Variants in DHRS4L2 observed in about 807,000 individuals in gnomAD.
DHRS4L2 encodes the protein dehydrogenase/reductase SDR family member 4-like 2.
A neutral mutation model predicts 23.9 loss-of-function variants in DHRS4L2; 22 were observed. The observed-to-expected ratio is 0.92, with a 90% CI of 0.66 to 1.31. The LOEUF is 1.31. Among genes scored for constraint, DHRS4L2 ranks in the 40% most tolerant of loss-of-function variants. DHRS4L2 has a pLI of 0.00. For synonymous variants in DHRS4L2, 141 were observed against 123.7 expected, an observed-to-expected ratio of 1.14 and a Z score of -0.93; for missense variants, 385 against 303.3, an observed-to-expected ratio of 1.27 and a Z score of -2.00.
chr14:23,983,103 A>T (rs796872417), intron 1 of DHRS4L2, among the ~76,000 whole-genome samples: 1 of 151,792 alleles, frequency 6.6e-6, no homozygotes, highest in African/African-American at 2.4e-5. Context: ...CAACCCACAG[A>T]ATGGAAGAAA....
In DHRS4L2 at chr14:23,990,267, G is replaced by C; in HGVS notation, c.214G>C (p.Ala72Pro). Residue 72 changes from alanine (A) to proline (P), a missense_variant, in exon 2 of 8, where the codon GCG (alanine) becomes CCG (proline). By Grantham distance (27) the Ala-to-Pro change is conservative. Coordinates refer to ENST00000335125, the MANE Select transcript of DHRS4L2 (RefSeq NM_198083.4). ...SSRKQQNVDQ[A>P]VATLQGEGLS... ...CCGGAAGCAGCAGAATGTGGACCAGGCGGTGGCCACGCTGCAGGGGGAGGG... is the reference window on the plus strand; with the variant it reads ...CCGGAAGCAGCAGAATGTGGACCAGCCGGTGGCCACGCTGCAGGGGGAGGG... The C allele has an allele frequency of 1.2e-6, 2 of 1,612,738 alleles. No individual in the cohort carries two copies. Among genetic ancestry groups the C allele is most frequent in the Non-Finnish European group, 8.5e-7 (1 of 1,179,334 alleles).
At chr14:23,976,880 C>G (rs941646572) in intron 1 of DHRS4L2, among the ~76,000 whole-genome samples, 1 of 151,714 alleles carries the variant, frequency 6.6e-6, no homozygotes, top group East Asian at 1.9e-4. Flanking sequence ...TGCATCTTCT[C>G]ACTCATAAGT....
At chr14:24,005,741 T>A in intron 7 of DHRS4L2, 145 bp from the exon 8 acceptor site, 3 of 1,357,508 alleles carry the variant, frequency 2.2e-6, no homozygotes, top group East Asian at 5.1e-5. Flanking sequence ...GTGGTAACCC[T>A]ATTTGATAGG....
upstream of DHRS4L2, chr14:23,988,910 G>C (rs112947042): frequency 6.2e-7 from 1 of 1,606,892 alleles, no homozygotes; most frequent in South Asian, 1.1e-5. Flanking sequence ...TGTCACCTCC[G>C]CTGGAAGGAG....
In DHRS4L2 at chr14:24,001,314, C is replaced by G. The variant is rs1023121423; in HGVS notation, c.532-70C>G. ...GGAGATCCCTACTGAGCACTGCCCT[C>G]TATGTCTAGTTATTAGAACCAAGAA... On this transcript the variant is annotated intron_variant, in intron 5 of 7. Coordinates refer to ENST00000335125, the MANE Select transcript of DHRS4L2 (RefSeq NM_198083.4). The G allele has an allele frequency of 3.1e-5, 49 of 1,579,932 alleles. 1 individual carries two copies. Among genetic ancestry groups the G allele is most frequent in the Non-Finnish European group, 4.2e-5 (49 of 1,167,292 alleles).
At chr14:23,973,621 C>T (rs2033910889) in intron 1 of DHRS4L2, among the ~76,000 whole-genome samples, 1 of 151,768 alleles carries the variant, frequency 6.6e-6, no homozygotes, top group Admixed American at 6.6e-5. Context: ...ATAAAACAGA[C>T]ATTAAACCAA....
At chr14:23,994,431 T>C (rs1222387969) in intron 2 of DHRS4L2, among the ~76,000 whole-genome samples, 5 of 151,726 alleles carry the variant, frequency 3.3e-5, no homozygotes, top group Admixed American at 1.3e-4. Flanking sequence ...TGGTGGCTTG[T>C]GCCTATAACA....
At chr14:23,995,528 G>A (rs1229664483) in intron 3 of DHRS4L2, among the ~76,000 whole-genome samples, 1 of 151,720 alleles carries the variant, frequency 6.6e-6, no homozygotes, top group Admixed American at 6.6e-5. Flanking sequence ...TTATTAGTTG[G>A]GAAATATTAA....
chr14:23,996,971 C>T (rs1316701044), intron 3 of DHRS4L2, among the ~76,000 whole-genome samples: 1 of 151,430 alleles, frequency 6.6e-6, no homozygotes, highest in Non-Finnish European at 1.5e-5. Flanking sequence ...GAGCATCATT[C>T]ATGAACAGTC....
intron 6 of DHRS4L2, among the ~76,000 whole-genome samples, chr14:24,001,805 C>T (rs910303790): frequency 2.8e-5 from 3 of 108,538 alleles, no homozygotes; most frequent in Non-Finnish European, 5.1e-5. Context: ...ATCACTAGAA[C>T]CTGAAACAAA....
chr14:23,997,264 C>A (rs1167746573), intron 3 of DHRS4L2, among the ~76,000 whole-genome samples: 4 of 97,922 alleles, frequency 4.1e-5, no homozygotes, highest in African/African-American at 1.7e-4. Context: ...ATCATCTGAG[C>A]CTTTACAACT....
At chr14:23,993,272 A>G (rs1337573641) in intron 2 of DHRS4L2, among the ~76,000 whole-genome samples, 2 of 151,742 alleles carry the variant, frequency 1.3e-5, no homozygotes, top group East Asian at 1.9e-4. Context: ...GCCAAAATTT[A>G]AAGGGTGCAA....
At chr14:23,987,238 C>G (rs756775689), upstream of DHRS4L2, 26 of 348,894 alleles carry the variant, frequency 7.5e-5, no homozygotes, top group Admixed American at 2.1e-4. Flanking sequence ...TCATGCCATT[C>G]CCCTGCCTCA....
At chr14:23,995,268 A>T in intron 3 of DHRS4L2, 135 bp downstream of exon 3, 3 of 1,043,782 alleles carry the variant, frequency 2.9e-6, no homozygotes, top group Non-Finnish European at 4.4e-6. Context: ...CACCTGGAGC[A>T]CACCTTGCAA....
chr14:24,000,989 A>G, intron 4 of DHRS4L2, 44 bp from the exon 5 acceptor site: 1 of 1,611,436 alleles, frequency 6.2e-7, no homozygotes, highest in Non-Finnish European at 8.5e-7. Context: ...GGCTGAGGGC[A>G]GTGGTCCACA....
chr14:23,993,691 C>A (rs924677246), intron 2 of DHRS4L2, among the ~76,000 whole-genome samples: 1 of 151,682 alleles, frequency 6.6e-6, no homozygotes, highest in African/African-American at 2.4e-5. Flanking sequence ...TTCGCTTTCT[C>A]AATTTAAATT....
chr14:23,991,479 G>GC (rs750628280), intron 2 of DHRS4L2, among the ~76,000 whole-genome samples: 3 of 151,736 alleles, frequency 2.0e-5, no homozygotes, highest in African/African-American at 7.3e-5. Context: ...AACAACCTGT[G>GC]CCCCCCACCA....
Position 23,992,576 on chromosome 14 carries a change from G to C in DHRS4L2, c.306+2217G>C, listed in dbSNP as rs996267943. 6.8e-3 allele frequency among the ~76,000 whole-genome samples: 1,027 copies of C among 151,222 alleles called. 25 individuals carry two copies. The highest frequency in any genetic ancestry group is 0.017 in the South Asian group (82 of 4,776). Reference sequence around the variant, plus strand: ...TGGAAACCAGAGTAGCTGCCTATCTGCTTGATTATATTTTTTCTTAAAAAT... The same window carrying C: ...TGGAAACCAGAGTAGCTGCCTATCTCCTTGATTATATTTTTTCTTAAAAAT... On this transcript the variant is annotated intron_variant, in intron 2 of 7. Transcript: ENST00000335125.
intron 1 of DHRS4L2, among the ~76,000 whole-genome samples, chr14:23,981,772 T>C (rs781657765): frequency 6.6e-6 from 1 of 151,622 alleles, no homozygotes; most frequent in African/African-American, 2.4e-5. Flanking sequence ...AAGGAATCTG[T>C]GTCACAAATA....
Sources: allele counts gnomAD v4.1 joint callset (sites outside exome capture counted in the v4.1 genomes callset), GRCh38; gene constraint gnomAD v4.1.1; transcripts MANE v1.5; gene names NCBI Gene and HGNC (gene_info 2026-07-23, HGNC 2026-07-21).